The following TNFRSF14 variants were observed in gnomAD, a reference collection of about 807,000 sequenced individuals.
TNFRSF14 encodes tumor necrosis factor receptor superfamily member 14.
TNFRSF14 carries 18 observed loss-of-function variants against 34.1 expected under a neutral mutation model. The ratio of observed to expected loss-of-function variants is 0.53; its 90% CI spans 0.36 to 0.78. TNFRSF14 has a LOEUF of 0.78. Ranked by LOEUF, TNFRSF14 falls within the 30% of genes least tolerant of loss-of-function variation. The pLI, the probability that TNFRSF14 is intolerant of heterozygous loss-of-function variation, is 0.00. For missense variants in TNFRSF14, 352 were observed against 379.5 expected (o/e 0.93, Z 0.60); for synonymous variants, 157 against 153.2 (o/e 1.02, Z -0.18).
chr1:2,557,244 C>T (rs866009388), intron 1 of TNFRSF14, among the ~76,000 whole-genome samples: 1 of 152,258 alleles, frequency 6.6e-6, no homozygotes. Flanking sequence ...GCCCATCAGC[C>T]AGCCCAGGAA....
chr1:2,558,753 TG>T, intron 3 of TNFRSF14: 1 of 1,211,806 alleles, frequency 8.3e-7, no homozygotes, highest in Non-Finnish European at 1.1e-6. Flanking sequence ...GTGCCCGGGG[TG>T]GGTGCCCAGA....
In TNFRSF14 at chr1:2,561,776, G is replaced by A; in HGVS notation, c.655G>A (p.Val219Ile). The change falls in exon 6 of 8, where the codon GTT becomes ATT. Residue 219 changes from valine to isoleucine, a missense_variant. Transcript: ENST00000355716. The surrounding 1 kb of genome is among the most constrained non-coding windows in gnomAD (Gnocchi z 6.0). ...SLVIVIVCSTVGLIICVKRRK... is the reference protein window; with the variant it reads ...SLVIVIVCSTIGLIICVKRRK... ...CGTCATCGTCATTGTTTGCTCCACA[G>A]TTGGCCTAATCATATGTGTGAAAAG... 6.2e-7 allele frequency: 1 copy of A among 1,613,918 alleles called. No individual in the cohort carries two copies. Among genetic ancestry groups the A allele is most frequent in the Non-Finnish European group, 8.5e-7 (1 of 1,180,008 alleles).
At chr1:2,557,461 C>T (rs540783549) in intron 1 of TNFRSF14, among the ~76,000 whole-genome samples, 4 of 152,174 alleles carry the variant, frequency 2.6e-5, no homozygotes, top group Non-Finnish European at 4.4e-5. Context: ...GGGTCCCTGG[C>T]GAGGGCAGAG....
rs200396589 is a variant in TNFRSF14 at position 2,563,316 on chromosome 1, C to T, written c.*43C>T. The T allele has an allele frequency of 1.3e-4, 216 of 1,604,272 alleles. No individual in the cohort carries two copies. The highest frequency in any genetic ancestry group is 3.2e-4 in the South Asian group (29 of 90,792). On this transcript the variant is annotated 3_prime_UTR_variant, in exon 8 of 8. Coordinates refer to ENST00000355716, the MANE Select transcript of TNFRSF14 (RefSeq NM_003820.4). Reference sequence around the variant, plus strand: ...CCGACGCCAGAGATACCTGGAGCGACGGCTGCTGAAAGAGGCTGTCCACCT... The same window carrying T: ...CCGACGCCAGAGATACCTGGAGCGATGGCTGCTGAAAGAGGCTGTCCACCT...
Position 2,556,883 on chromosome 1 carries a change from C to G in TNFRSF14, c.69+150C>G, listed in dbSNP as rs1392641068. On this transcript the variant is annotated intron_variant, in intron 1 of 7. Coordinates refer to ENST00000355716, the MANE Select transcript of TNFRSF14 (RefSeq NM_003820.4). ...TGCTGCCTGGGGCTCTCGGGTCAAC[C>G]CAGACCCCCAGCACTGGGCTCACCA... The G allele has an allele frequency of 4.1e-5, 31 of 748,752 alleles. 1 individual carries two copies. The highest frequency in any genetic ancestry group is 6.0e-5 in the Non-Finnish European group (28 of 465,720). 46.4% of individuals were successfully genotyped at this position (748,752 alleles called of 1,614,324 possible). A position where few individuals can be genotyped will look rare whatever the true frequency, so the allele number is the denominator to read the frequency against.
At chr1:2,560,471 A>G (rs1038297459) in intron 4 of TNFRSF14, 153 bp from the exon 5 acceptor site, 6 of 610,480 alleles carry the variant, frequency 9.8e-6, no homozygotes, top group Admixed American at 3.0e-5. Context: ...CCCACCTCCA[A>G]GACTCTGGAC....
At chr1:2,560,008 A>G in intron 4 of TNFRSF14, 30 bp downstream of exon 4, 1 of 1,503,336 alleles carries the variant, frequency 6.7e-7, no homozygotes. Context: ...CACCCCTCCC[A>G]TTTCCACCCT....
At position 2,561,050 on chromosome 1, in the gene TNFRSF14, C is replaced by A; in HGVS notation, c.551+336C>A. 2.7e-6 allele frequency: 1 copy of A among 375,536 alleles called. No individual in the cohort carries two copies. The highest frequency in any genetic ancestry group is 4.3e-5 in the East Asian group (1 of 23,256). The allele number at this position is 375,536 out of a possible 1,614,324, so 23.3% of individuals were successfully genotyped here. A position where few individuals can be genotyped will look rare whatever the true frequency, so the allele number is the denominator to read the frequency against. On this transcript the variant is annotated intron_variant, in intron 5 of 7. Coordinates refer to ENST00000355716, the MANE Select transcript of TNFRSF14 (RefSeq NM_003820.4). The surrounding 1 kb of genome is among the most constrained non-coding windows in gnomAD (Gnocchi z 6.0). ...TGAATGTCAGGGCCATGGGAGGGCC[C>A]CTGGGCTTCAGGGGTTGGGGAAAGT...
intron 6 of TNFRSF14, 174 bp from the exon 7 acceptor site, chr1:2,562,691 C>A: frequency 1.2e-6 from 1 of 838,068 alleles, no homozygotes; most frequent in Non-Finnish European, 2.0e-6. Context: ...GCTGGGCTAG[C>A]AGTCCCAACA....
In TNFRSF14 at chr1:2,562,849, T is replaced by C. The variant is rs756963079; in HGVS notation, c.695-16T>C. ...AGACACTGCCCCTCCCTGACCTGTG[T>C]GTCTGTGTATTGCAGGTGATGTAGT... On this transcript the variant is annotated splice_polypyrimidine_tract_variant and intron_variant, in intron 6 of 7. Transcript: ENST00000355716. 6.2e-7 allele frequency: 1 copy of C among 1,613,948 alleles called. No homozygotes were observed. Among genetic ancestry groups the C allele is most frequent in the Admixed American group, 1.7e-5 (1 of 60,020 alleles).
chr1:2,560,575 C>T, intron 4 of TNFRSF14, 49 bp from the exon 5 acceptor site: 1 of 1,482,784 alleles, frequency 6.7e-7, no homozygotes, highest in Non-Finnish European at 9.3e-7. Context: ...CGCCAGCCCC[C>T]TCCTGGCCTG....
intron 3 of TNFRSF14, chr1:2,559,167 C>T (rs1014933985): frequency 1.5e-5 from 20 of 1,366,376 alleles, no homozygotes; most frequent in Non-Finnish European, 1.7e-5. Context: ...GGTGGGCTAG[C>T]CATGAACAGA....
intron 7 of TNFRSF14, 69 bp downstream of exon 7, chr1:2,562,965 G>GTGT: frequency 1.9e-6 from 3 of 1,541,728 alleles, no homozygotes; most frequent in Non-Finnish European, 2.7e-6. Flanking sequence ...GCTGGGGCTG[G>GTGT]TGTTTCTGGT....
upstream of TNFRSF14, chr1:2,554,804 A>G (rs1392927941): frequency 6.6e-6 from 1 of 152,206 alleles, no homozygotes; most frequent in African/African-American, 2.4e-5. This position sits in a 1 kb window ranked among gnomAD's most constrained non-coding sequence, Gnocchi z 4.2. Flanking sequence ...TGGAGGACGT[A>G]TCTGAGAGAG....
intron 1 of TNFRSF14, chr1:2,556,941 C>T: frequency 1.9e-6 from 1 of 533,924 alleles, no homozygotes; most frequent in Non-Finnish European, 3.3e-6. Flanking sequence ...ACAGCCCTAC[C>T]CAGCAGACCT....
chr1:2,559,501 T>C (rs1644272206), intron 3 of TNFRSF14: 2 of 1,470,966 alleles, frequency 1.4e-6, no homozygotes, highest in Non-Finnish European at 1.8e-6. Flanking sequence ...AGGACCTGCC[T>C]GCGGGACCCT....
intron 6 of TNFRSF14, 50 bp from the exon 7 acceptor site, chr1:2,562,815 C>G (rs1169228743): frequency 6.2e-7 from 1 of 1,612,772 alleles, no homozygotes; most frequent in African/African-American, 1.3e-5. Flanking sequence ...GAGCCTGTGT[C>G]CCCTGATCAG....
chr1:2,557,703 A>T (rs759775099), intron 1 of TNFRSF14, 23 bp from the exon 2 acceptor site: 1 of 1,552,958 alleles, frequency 6.4e-7, no homozygotes, highest in Non-Finnish European at 8.8e-7. Context: ...GGCATCTCCC[A>T]ATGCCTGTCC....
intron 3 of TNFRSF14, chr1:2,558,722 C>T: frequency 1.8e-6 from 2 of 1,127,156 alleles, no homozygotes; most frequent in Non-Finnish European, 1.2e-6. Context: ...TGACCCTTAT[C>T]CCTCGTCCTT....
Sources: allele counts gnomAD v4.1 joint callset (sites outside exome capture counted in the v4.1 genomes callset), GRCh38; gene constraint gnomAD v4.1.1; non-coding constraint Gnocchi (gnomAD v3.1); transcripts MANE v1.5; gene names NCBI Gene and HGNC (gene_info 2026-07-23, HGNC 2026-07-21).